Variants in FUT8 observed in about 807,000 individuals in gnomAD.
The protein encoded by FUT8 is alpha-(1,6)-fucosyltransferase.
Under a neutral mutation model 71.3 loss-of-function variants are expected in FUT8, and 29 were observed. The observed-to-expected ratio is 0.41, with a 90% confidence interval of 0.30 to 0.55. The LOEUF is 0.55. Among genes scored for constraint, FUT8 ranks in the 20% least tolerant of loss-of-function variants. The pLI is 0.34. For synonymous variants in FUT8, 254 were observed against 239.3 expected, an observed-to-expected ratio of 1.06 and a Z score of -0.57; for missense variants, 544 against 702.1, an observed-to-expected ratio of 0.77 and a Z score of 2.55.
Position 65,669,188 on chromosome 14 carries a change from A to G in FUT8, c.598-55A>G, listed in dbSNP as rs1370096285. The G allele has an allele frequency of 3.1e-6, 4 of 1,282,192 alleles. No individual in the cohort carries two copies. In the East Asian group the frequency reaches 9.3e-5, roughly 30 times the overall value. The allele number at this position is 1,282,192 out of a possible 1,614,324, so 79.4% of individuals were successfully genotyped here. A position where few individuals can be genotyped will look rare whatever the true frequency, so the allele number is the denominator to read the frequency against. On this transcript the variant is annotated intron_variant, in intron 6 of 10. Coordinates refer to ENST00000673929, the MANE Select transcript of FUT8 (RefSeq NM_001371533.1). The surrounding 1 kb of genome is among the most constrained non-coding windows in gnomAD (Gnocchi z 4.5). ...TGAAAGATTAAAAAAAAAAAAGAGCAGTTGACCTCTCTGTACAACTTATCT... is the reference window on the plus strand; with the variant it reads ...TGAAAGATTAAAAAAAAAAAAGAGCGGTTGACCTCTCTGTACAACTTATCT...
chr14:65,463,180 T>C (rs941690952), intron 2 of FUT8, among the ~76,000 whole-genome samples: 1 of 152,190 alleles, frequency 6.6e-6, no homozygotes, highest in African/African-American at 2.4e-5. Context: ...ATAGACATAA[T>C]TACAATAATA....
At chr14:65,363,863 C>A in the FUT8 span, among the ~76,000 whole-genome samples, 1 of 152,220 alleles carries the variant, frequency 6.6e-6, no homozygotes, top group Non-Finnish European at 1.5e-5. Context: ...AAACTTTACA[C>A]TTATTAAATA....
chr14:65,730,529 T>C (rs1352301803), intron 9 of FUT8, among the ~76,000 whole-genome samples: 1 of 152,042 alleles, frequency 6.6e-6, no homozygotes, highest in East Asian at 1.9e-4. Flanking sequence ...AAAAATTAGC[T>C]GTTTATGGTG....
At chr14:65,616,429 A>G in intron 5 of FUT8, 56 bp downstream of exon 5, 1 of 1,393,566 alleles carries the variant, frequency 7.2e-7, no homozygotes, top group Non-Finnish European at 9.7e-7. Flanking sequence ...TAATCTAAGA[A>G]TGAGAAACAG....
chr14:65,371,452 C>T, the FUT8 span, among the ~76,000 whole-genome samples: 3 of 152,120 alleles, frequency 2.0e-5, no homozygotes, highest in Admixed American at 1.3e-4. Flanking sequence ...TGTCTTTATC[C>T]TCCTTCAGTC....
At chr14:65,418,978 C>T (rs1469907157) in intron 1 of FUT8, among the ~76,000 whole-genome samples, 2 of 152,022 alleles carry the variant, frequency 1.3e-5, no homozygotes, top group Admixed American at 6.6e-5. Context: ...CCTGTAATCC[C>T]AGCACTTTGG....
At chr14:65,567,848 A>AT (rs1243067121) in intron 3 of FUT8, among the ~76,000 whole-genome samples, 1 of 151,478 alleles carries the variant, frequency 6.6e-6, no homozygotes, top group Admixed American at 6.6e-5. Context: ...TTTGTTTTGG[A>AT]TTTTTTCTAT....
intron 3 of FUT8, among the ~76,000 whole-genome samples, chr14:65,594,171 C>T (rs758528086): frequency 7.2e-5 from 11 of 152,226 alleles, no homozygotes; most frequent in East Asian, 1.9e-4. Flanking sequence ...CAGCCTGCCC[C>T]GCTTAACCCC....
intron 6 of FUT8, among the ~76,000 whole-genome samples, chr14:65,653,538 A>T (rs1353640165): frequency 6.6e-6 from 1 of 152,150 alleles, no homozygotes. Context: ...AACAGGAAAA[A>T]CTCAGATCCA....
intron 5 of FUT8, among the ~76,000 whole-genome samples, chr14:65,621,049 A>C (rs1243868551): frequency 6.6e-6 from 1 of 152,172 alleles, no homozygotes; most frequent in Non-Finnish European, 1.5e-5. Context: ...TTTTTCATCT[A>C]GTAGTTCTAA....
intron 1 of FUT8, among the ~76,000 whole-genome samples, chr14:65,435,927 T>G (rs1002554622): frequency 2.0e-5 from 3 of 150,956 alleles, no homozygotes; most frequent in Non-Finnish European, 4.4e-5. Flanking sequence ...CTTCCCTTTT[T>G]TTTTTTTTTT....
chr14:65,666,198 A>G (rs1169916271), intron 6 of FUT8, among the ~76,000 whole-genome samples: 1 of 152,158 alleles, frequency 6.6e-6, no homozygotes, highest in Admixed American at 6.5e-5. Flanking sequence ...TTTCACTGCA[A>G]TCTCCTTAAA....
chr14:65,679,341 G>C (rs981882243), intron 7 of FUT8, among the ~76,000 whole-genome samples: 4 of 152,156 alleles, frequency 2.6e-5, no homozygotes, highest in Non-Finnish European at 5.9e-5. Flanking sequence ...TGAGACATTA[G>C]AATCTATACA....
intron 7 of FUT8, among the ~76,000 whole-genome samples, chr14:65,712,535 C>G (rs1313700408): frequency 6.6e-6 from 1 of 152,138 alleles, no homozygotes; most frequent in Non-Finnish European, 1.5e-5. Flanking sequence ...ACCTCTGCCT[C>G]CTGGGTTCAA....
chr14:65,526,679 A>T (rs1415251435), intron 2 of FUT8, among the ~76,000 whole-genome samples: 1 of 152,118 alleles, frequency 6.6e-6, no homozygotes, highest in African/African-American at 2.4e-5. Flanking sequence ...ACAATTTGGC[A>T]TGTTTTTGCA....
intron 2 of FUT8, among the ~76,000 whole-genome samples, chr14:65,523,711 A>G (rs1279522063): frequency 1.3e-5 from 2 of 152,212 alleles, no homozygotes; most frequent in African/African-American, 4.8e-5. Flanking sequence ...TTTTAGGTCT[A>G]ACATTTAGGT....
the FUT8 span, among the ~76,000 whole-genome samples, chr14:65,382,716 A>C: frequency 6.6e-6 from 1 of 152,090 alleles, no homozygotes; most frequent in East Asian, 1.9e-4. Flanking sequence ...TCTCTTTTTT[A>C]TAACACTTCT....
At chr14:65,549,160 T>C (rs1028184574) in intron 2 of FUT8, among the ~76,000 whole-genome samples, 1 of 152,174 alleles carries the variant, frequency 6.6e-6, no homozygotes, top group African/African-American at 2.4e-5. Flanking sequence ...CACTTTGGAA[T>C]AGAGTTTGGC....
intron 3 of FUT8, among the ~76,000 whole-genome samples, chr14:65,585,911 C>G (rs749291251): frequency 2.6e-5 from 4 of 151,864 alleles, no homozygotes; most frequent in Non-Finnish European, 4.4e-5. Flanking sequence ...GGAAACAGTT[C>G]CTAAAAATTA....
Sources: allele counts gnomAD v4.1 joint callset (sites outside exome capture counted in the v4.1 genomes callset), GRCh38; gene constraint gnomAD v4.1.1; non-coding constraint Gnocchi (gnomAD v3.1); transcripts MANE v1.5; gene names NCBI Gene and HGNC (gene_info 2026-07-23, HGNC 2026-07-21).